Variants in SLC16A2 observed in about 807,000 individuals in gnomAD.
SLC16A2 encodes the protein solute carrier family 16 member 2, also known as monocarboxylate transporter 8.
SLC16A2 carries 3 observed loss-of-function variants against 27.2 expected under a neutral mutation model. The observed-to-expected ratio is 0.11, with a 90% CI of 0.05 to 0.28. The LOEUF (loss-of-function observed/expected upper bound fraction) is 0.28, where lower values mean the gene tolerates loss of function less well. Ranked by LOEUF, SLC16A2 falls within the 10% of genes least tolerant of loss-of-function variation. The pLI is 1.00. For synonymous variants in SLC16A2, 202 were observed against 187.8 expected, an observed-to-expected ratio of 1.08 and a Z score of -0.62; for missense variants, 295 against 458.5, an observed-to-expected ratio of 0.64 and a Z score of 3.26.
chrX:74,479,141 CT>C (rs1929557740), intron 1 of SLC16A2, among the ~76,000 whole-genome samples: 2 of 112,053 alleles, frequency 1.8e-5, no homozygotes, highest in Admixed American at 1.9e-4. Flanking sequence ...TAGATTTGGT[CT>C]TTTCACATAG....
intron 1 of SLC16A2, among the ~76,000 whole-genome samples, chrX:74,484,177 T>C (rs1180817974): frequency 8.9e-6 from 1 of 112,211 alleles, no homozygotes; most frequent in East Asian, 2.8e-4. Context: ...CCACGGCCCA[T>C]GACACAGCCC....
intron 1 of SLC16A2, among the ~76,000 whole-genome samples, chrX:74,493,222 G>A (rs1929865440): frequency 1.8e-5 from 2 of 112,306 alleles, no homozygotes; most frequent in South Asian, 7.4e-4. Flanking sequence ...TGGTGGGTGG[G>A]AGTAGGGTGT....
chrX:74,444,736 G>A (rs957252677), intron 1 of SLC16A2, among the ~76,000 whole-genome samples: 1 of 112,180 alleles, frequency 8.9e-6, no homozygotes, highest in African/African-American at 3.2e-5. Flanking sequence ...GAGCCCTAAA[G>A]TACTGTTCAA....
rs1453574320 is a variant in SLC16A2 at position 74,524,605 on chromosome X, G to T, written c.822G>T (p.Met274Ile). 2 of 1,211,432 alleles carry T rather than the reference G, an allele frequency of 1.7e-6. No individual in the cohort carries two copies. The highest frequency in any genetic ancestry group is 2.2e-6 in the Non-Finnish European group (2 of 895,464). Residue 274 changes from methionine to isoleucine, a missense_variant, in exon 3 of 6, where the codon ATG (methionine) becomes ATT (isoleucine). Around this residue, in one of 3 missense-constraint regions of SLC16A2, gnomAD observed 144 missense variants for 219.8 expected, o/e 0.66. Coordinates refer to ENST00000587091, the MANE Select transcript of SLC16A2 (RefSeq NM_006517.5). Reference sequence around the variant, plus strand: ...TGAGTACCTTCATGTTTGTTCTTATGCTGCTTTCACTCACCTACCGGCCCC... The same window carrying T: ...TGAGTACCTTCATGTTTGTTCTTATTCTGCTTTCACTCACCTACCGGCCCC... ...QVLSTFMFVL[M>I]LLSLTYRPLL...
chrX:74,439,565 T>C (rs1002687171), intron 1 of SLC16A2, among the ~76,000 whole-genome samples: 8 of 101,204 alleles, frequency 7.9e-5, no homozygotes, highest in Non-Finnish European at 2.0e-5. Context: ...CCTCCCAAAG[T>C]GTTGGGATTA....
At chrX:74,449,650 C>G (rs1486162620) in intron 1 of SLC16A2, among the ~76,000 whole-genome samples, 1 of 111,275 alleles carries the variant, frequency 9.0e-6, no homozygotes, top group Non-Finnish European at 1.9e-5. Flanking sequence ...TCAGGGTCTC[C>G]TCCCTGGTCC....
At chrX:74,502,280 G>T (rs1295592318) in intron 1 of SLC16A2, among the ~76,000 whole-genome samples, 2 of 111,938 alleles carry the variant, frequency 1.8e-5, no homozygotes, top group African/African-American at 3.3e-5. Flanking sequence ...TAGGTCCCCA[G>T]ACCAGGCTCC....
In SLC16A2 at chrX:74,525,853, T is replaced by C. The variant is rs1930479997; in HGVS notation, c.1130T>C (p.Ile377Thr). The C allele has an allele frequency of 8.3e-7, 1 of 1,211,653 alleles. No homozygotes were observed. The highest frequency in any genetic ancestry group is 3.0e-5 in the East Asian group (1 of 33,824). The change falls in exon 4 of 6, where the codon ATC becomes ACC. Residue 377 changes from isoleucine (I) to threonine (T), a missense_variant. By Grantham distance (89) the Ile-to-Thr change is moderately conservative (BLOSUM62 -1). Coordinates refer to ENST00000587091, the MANE Select transcript of SLC16A2 (RefSeq NM_006517.5). Reference protein sequence around the residue: ...SGLGRLVSGHISDSIPGLKKI... With the variant: ...SGLGRLVSGHTSDSIPGLKKI... ...CTTGGGCGTCTTGTGTCAGGCCACA[T>C]CAGTGACTCCATCCCTGGACTTAAG...
intron 1 of SLC16A2, among the ~76,000 whole-genome samples, chrX:74,489,970 T>TACACACAC (rs55975734): frequency 0.31 from 27,114 of 86,934 alleles, 4,610 homozygotes; most frequent in Non-Finnish European, 0.43. Context: ...GTCACACACA[T>TACACACAC]ACACACACAC....
chrX:74,446,840 G>A (rs1394182196), intron 1 of SLC16A2, among the ~76,000 whole-genome samples: 1 of 112,096 alleles, frequency 8.9e-6, no homozygotes, highest in Non-Finnish European at 1.9e-5. Context: ...TACCTCTTAT[G>A]CAAAGACCAG....
intron 1 of SLC16A2, among the ~76,000 whole-genome samples, chrX:74,518,873 C>T (rs1930359586): frequency 8.9e-6 from 1 of 111,777 alleles, no homozygotes; most frequent in East Asian, 2.8e-4. Flanking sequence ...ATTTTGTGTG[C>T]TGCAAAATTT....
In SLC16A2 at chrX:74,524,820, C is replaced by T. The variant is rs1480737169; in HGVS notation, c.1026+11C>T. On this transcript the variant is annotated intron_variant, in intron 3 of 5. Transcript: ENST00000587091. ...CCCTATGTACACCTGGTGAGGAATA[C>T]CAGAGTGGGCCCACCCCACCTGGCC... is the stretch of plus-strand genomic sequence containing the variant. 3 of 1,192,510 alleles carry T rather than the reference C, an allele frequency of 2.5e-6. No individual in the cohort carries two copies. The highest frequency in any genetic ancestry group is 1.8e-5 in the South Asian group (1 of 56,404).
At chrX:74,504,809 G>A (rs1930095565) in intron 1 of SLC16A2, among the ~76,000 whole-genome samples, 1 of 111,636 alleles carries the variant, frequency 9.0e-6, no homozygotes, top group Non-Finnish European at 1.9e-5. Context: ...TGGGCAAAAT[G>A]GCAGAAACCC....
chrX:74,473,154 A>G (rs982130258), intron 1 of SLC16A2: 2 of 613,126 alleles, frequency 3.3e-6, no homozygotes, highest in East Asian at 3.2e-5. Flanking sequence ...TGGGTCCATA[A>G]TTTGAAGACT....
At chrX:74,511,925 G>T (rs1411929374) in intron 1 of SLC16A2, among the ~76,000 whole-genome samples, 2 of 111,964 alleles carry the variant, frequency 1.8e-5, no homozygotes, top group Admixed American at 1.9e-4. Flanking sequence ...CTGGTGAGCC[G>T]CAGAGATAAG....
chrX:74,494,651 A>G (rs1051695760), intron 1 of SLC16A2, among the ~76,000 whole-genome samples: 2 of 111,314 alleles, frequency 1.8e-5, no homozygotes, highest in African/African-American at 6.5e-5. Context: ...ACAAGGAACT[A>G]GGATTGTCCT....
At chrX:74,495,801 C>A (rs1304709806) in intron 1 of SLC16A2, among the ~76,000 whole-genome samples, 2 of 111,236 alleles carry the variant, frequency 1.8e-5, no homozygotes, top group African/African-American at 3.3e-5. Context: ...AGCCTTGTTT[C>A]CTCTGGCCGA....
intron 1 of SLC16A2, 42 bp from the exon 2 acceptor site, chrX:74,520,948 C>T (rs186583270): frequency 8.3e-7 from 1 of 1,204,390 alleles, no homozygotes; most frequent in East Asian, 3.0e-5. Flanking sequence ...CCACCAGGCA[C>T]TACACTAAGC....
intron 1 of SLC16A2, among the ~76,000 whole-genome samples, chrX:74,439,575 A>G (rs1928704813): frequency 9.9e-6 from 1 of 100,625 alleles, no homozygotes; most frequent in African/African-American, 3.8e-5. Context: ...TGTTGGGATT[A>G]CAGGTGTCAC....
Sources: gnomAD v4.1 joint callset for allele counts (sites outside exome capture counted in the v4.1 genomes callset) on GRCh38, gnomAD v4.1.1 for gene constraint, gnomAD v4.1.1 regional missense constraint, MANE v1.5 for transcripts, NCBI Gene and HGNC (gene_info 2026-07-23, HGNC 2026-07-21) for gene names.